CBFB: variants seen among roughly 807,000 people sequenced by gnomAD.
CBFB encodes the protein core-binding factor subunit beta.
Under a neutral mutation model 30.4 loss-of-function variants are expected in CBFB, and 9 were observed. That is an observed-to-expected ratio of 0.30 (90% CI 0.18 to 0.52). The LOEUF (loss-of-function observed/expected upper bound fraction) is 0.52. Ranked by LOEUF, CBFB falls within the 20% of genes least tolerant of loss-of-function variation. CBFB has a pLI of 0.97. For synonymous variants in CBFB, 94 were observed against 84.0 expected (o/e 1.12, Z -0.65); for missense variants, 170 against 244.0 (o/e 0.70, Z 2.02).
chr16:67,064,778 T>C (rs183622276), intron 3 of CBFB, among the ~76,000 whole-genome samples: 1 of 152,346 alleles, frequency 6.6e-6, no homozygotes, highest in African/African-American at 2.4e-5. Flanking sequence ...TCTAGAGTTA[T>C]TTATTTACTT....
rs1266483488 is a variant in CBFB, at chr16:67,100,799, T to A, written c.*2021T>A. 2 of 214,952 alleles carry A rather than the reference T, an allele frequency of 9.3e-6. No homozygotes were observed. Among genetic ancestry groups the A allele is most frequent in the Non-Finnish European group, 1.9e-5 (2 of 106,280 alleles). 13.3% of individuals were successfully genotyped at this position (214,952 alleles called of 1,614,324 possible). ...TTTAGCACCATGCTGCTTCTGTCTG[T>A]CTTAATGCTGGCATTAAGATCATGA... On this transcript the variant is annotated 3_prime_UTR_variant, in exon 6 of 6. Transcript: ENST00000412916.
At chr16:67,040,986 T>C (rs1966518717) in intron 3 of CBFB, among the ~76,000 whole-genome samples, 1 of 152,148 alleles carries the variant, frequency 6.6e-6, no homozygotes, top group South Asian at 2.1e-4. Flanking sequence ...GAGTAGACTG[T>C]GAAAGAAGTT....
Position 67,053,248 on chromosome 16 carries a change from CT to C in CBFB, c.283-13413del, listed in dbSNP as rs576629599. On this transcript the variant is annotated intron_variant, in intron 3 of 5. Coordinates refer to ENST00000412916, the MANE Select transcript of CBFB (RefSeq NM_022845.3). ...AACGGACTCTAATGTCACTTTCTCT[CT>C]TTTTTTTTTTTTTTTTTTTTGGTGA... 0.016 allele frequency among the ~76,000 whole-genome samples: 1,930 copies of C among 122,750 alleles called. 56 individuals are homozygous for C. In the East Asian group the frequency reaches 0.17, roughly 11 times the overall value. 80.5% of individuals were successfully genotyped at this position (122,750 alleles called of 152,430 possible).
At chr16:67,086,098 AG>A (rs1049157231) in intron 5 of CBFB, among the ~76,000 whole-genome samples, 1 of 152,176 alleles carries the variant, frequency 6.6e-6, no homozygotes, top group African/African-American at 2.4e-5. Context: ...AAGAAAATGG[AG>A]GGATATATGT....
chr16:67,029,557 G>A (rs1966294296), intron 1 of CBFB, 72 bp downstream of exon 1: 1 of 1,471,176 alleles, frequency 6.8e-7, no homozygotes, highest in Non-Finnish European at 9.2e-7. Context: ...AAAAGTTTGG[G>A]CGGCACGGTC....
At chr16:67,033,374 C>T (rs955420860) in intron 2 of CBFB, among the ~76,000 whole-genome samples, 1 of 152,200 alleles carries the variant, frequency 6.6e-6, no homozygotes, top group Non-Finnish European at 1.5e-5. Flanking sequence ...GGATCTTACT[C>T]TGTCACTCTG....
intron 4 of CBFB, among the ~76,000 whole-genome samples, chr16:67,067,251 C>G (rs1009608537): frequency 4.6e-5 from 7 of 151,482 alleles, no homozygotes; most frequent in Admixed American, 2.6e-4. Flanking sequence ...TGGCTCACAC[C>G]TGTAATCCCA....
chr16:67,069,120 T>C (rs1003278623), intron 4 of CBFB, among the ~76,000 whole-genome samples: 4 of 152,028 alleles, frequency 2.6e-5, no homozygotes, highest in Admixed American at 6.6e-5. Flanking sequence ...AGGCTGAGGC[T>C]CAAGAATCAC....
At chr16:67,044,708 G>C (rs911584414) in intron 3 of CBFB, among the ~76,000 whole-genome samples, 2 of 152,152 alleles carry the variant, frequency 1.3e-5, no homozygotes, top group African/African-American at 4.8e-5. Flanking sequence ...TTGCCTGCAG[G>C]ATCTTTGTCC....
intron 2 of CBFB, among the ~76,000 whole-genome samples, chr16:67,031,703 G>GAT: frequency 6.6e-6 from 1 of 152,014 alleles, no homozygotes; most frequent in Admixed American, 6.6e-5. Context: ...AGTAGAGACG[G>GAT]GGTTTCACCA....
chr16:67,049,848 TCTC>T (rs796158522), intron 3 of CBFB, among the ~76,000 whole-genome samples: 3 of 152,098 alleles, frequency 2.0e-5, no homozygotes, highest in African/African-American at 7.2e-5. Context: ...TATCACTAAT[TCTC>T]CTAATACTGC....
chr16:67,036,610 G>C (rs753166130), intron 2 of CBFB, 29 bp from the exon 3 acceptor site: 2 of 1,234,294 alleles, frequency 1.6e-6, no homozygotes, highest in Non-Finnish European at 2.4e-6. Context: ...TCCTGCTCCT[G>C]ATCCTGTTTG....
chr16:67,092,053 C>G (rs1026106255), intron 5 of CBFB, among the ~76,000 whole-genome samples: 10 of 150,380 alleles, frequency 6.6e-5, no homozygotes, highest in African/African-American at 2.0e-4. Flanking sequence ...AATGCTCTCC[C>G]TCCCCTTCCC....
intron 5 of CBFB, among the ~76,000 whole-genome samples, chr16:67,096,986 C>T (rs1410242768): frequency 1.3e-5 from 2 of 151,592 alleles, no homozygotes; most frequent in African/African-American, 2.4e-5. Context: ...GTAATTCCAG[C>T]ACTTTGGGAG....
At chr16:67,051,336 CACAA>C (rs746266864) in intron 3 of CBFB, among the ~76,000 whole-genome samples, 2 of 152,034 alleles carry the variant, frequency 1.3e-5, no homozygotes, top group Admixed American at 6.6e-5. Flanking sequence ...TGTGAAAAAA[CACAA>C]ACCAGATTTT....
chr16:67,074,593 C>T (rs929910566), intron 4 of CBFB, among the ~76,000 whole-genome samples: 1 of 151,854 alleles, frequency 6.6e-6, no homozygotes, highest in African/African-American at 2.4e-5. Context: ...ATGTTGGCCA[C>T]GCTGGTCTCG....
chr16:67,069,278 G>A (rs942384488), intron 4 of CBFB, among the ~76,000 whole-genome samples: 1 of 151,624 alleles, frequency 6.6e-6, no homozygotes, highest in Non-Finnish European at 1.5e-5. Flanking sequence ...GCTGAGTTAG[G>A]AGAATAGCTT....
chr16:67,057,941 CT>C (rs1168419687), intron 3 of CBFB, among the ~76,000 whole-genome samples: 3 of 152,056 alleles, frequency 2.0e-5, no homozygotes, highest in Non-Finnish European at 4.4e-5. Context: ...CAAAAAATTA[CT>C]CTTTCTCTAA....
chr16:67,070,968 T>G (rs900305026), intron 4 of CBFB, among the ~76,000 whole-genome samples: 1 of 152,206 alleles, frequency 6.6e-6, no homozygotes, highest in African/African-American at 2.4e-5. Context: ...CAAATTGAAC[T>G]ATATCACTAC....
Sources: gnomAD v4.1 joint callset for allele counts (sites outside exome capture counted in the v4.1 genomes callset) on GRCh38, gnomAD v4.1.1 for gene constraint, MANE v1.5 for transcripts, NCBI Gene and HGNC (gene_info 2026-07-23, HGNC 2026-07-21) for gene names.